Variants in UTP20 observed in about 807,000 individuals in gnomAD.
The protein encoded by UTP20 is small subunit processome component 20 homolog.
UTP20 carries 164 observed loss-of-function variants against 329.5 expected under a neutral mutation model. The ratio of observed to expected loss-of-function variants is 0.50; its 90% CI spans 0.44 to 0.57. The LOEUF (loss-of-function observed/expected upper bound fraction) is 0.57, where lower values mean the gene tolerates loss of function less well. Ranked by LOEUF, UTP20 falls within the 20% of genes least tolerant of loss-of-function variation. The pLI, the probability that UTP20 is intolerant of heterozygous loss-of-function variation, is 0.00. For synonymous variants in UTP20, 1,151 were observed against 1,159.3 expected, an observed-to-expected ratio of 0.99 and a Z score of 0.14; for missense variants, 3,055 against 3,284.2, an observed-to-expected ratio of 0.93 and a Z score of 1.71.
chr12:101,301,170 G>A (rs563463415), intron 14 of UTP20, among the ~76,000 whole-genome samples: 4 of 152,266 alleles, frequency 2.6e-5, no homozygotes, highest in Admixed American at 2.6e-4. Flanking sequence ...TGACCTCTGG[G>A]CTAGAGACAT....
At position 101,369,808 on chromosome 12, in the gene UTP20, C is replaced by T; in HGVS notation, c.6472C>T (p.His2158Tyr). ...AACAAAAGCAGAGCAGCTGACAAAA[C>T]ACCTCTTCCTTCTGCTGAAGGACTA... ...IETKAEQLTK[H>Y]LFLLLKDYAK... The change falls in exon 49 of 62, where the codon CAC (histidine) becomes TAC (tyrosine). Residue 2158 changes from histidine (H) to tyrosine (Y), a missense_variant. Coordinates refer to ENST00000261637, the MANE Select transcript of UTP20 (RefSeq NM_014503.3). 6.2e-7 allele frequency: 1 copy of T among 1,613,620 alleles called. No homozygotes were observed. Among genetic ancestry groups the T allele is most frequent in the Non-Finnish European group, 8.5e-7 (1 of 1,179,564 alleles).
Position 101,285,577 on chromosome 12 carries a change from A to G in UTP20, c.134A>G (p.Glu45Gly), listed in dbSNP as rs766639911. 7.4e-6 allele frequency: 12 copies of G among 1,613,766 alleles called. No individual in the cohort carries two copies. Among genetic ancestry groups the G allele is most frequent in the Non-Finnish European group, 1.0e-5 (12 of 1,179,806 alleles). ...CTGCTTTAATCTTGACAGGAGGTTG[A>G]AACCTACTTTTTTGAGGGTCTGCTG... ...DRTASYEEEVETYFFEGLLKW... is the reference protein window; with the variant it reads ...DRTASYEEEVGTYFFEGLLKW... Residue 45 changes from glutamate (E) to glycine (G), a missense_variant, in exon 3 of 62, where the codon GAA becomes GGA. Glu to Gly is a moderately conservative substitution (Grantham distance 98). Coordinates refer to ENST00000261637, the MANE Select transcript of UTP20 (RefSeq NM_014503.3).
intron 17 of UTP20, among the ~76,000 whole-genome samples, chr12:101,307,320 CACACAT>C (rs1177165296): frequency 2.0e-5 from 3 of 150,426 alleles, no homozygotes; most frequent in South Asian, 2.1e-4. Flanking sequence ...CACACACACA[CACACAT>C]AATTTAAACA....
intron 10 of UTP20, among the ~76,000 whole-genome samples, chr12:101,292,849 A>G (rs1352471129): frequency 1.3e-5 from 2 of 152,224 alleles, no homozygotes; most frequent in Non-Finnish European, 2.9e-5. Flanking sequence ...TGGAAGTAGG[A>G]TTGGAAATAG....
chr12:101,354,012 C>T (rs1485807754), intron 40 of UTP20, among the ~76,000 whole-genome samples: 2 of 152,026 alleles, frequency 1.3e-5, no homozygotes, highest in Admixed American at 6.6e-5. Flanking sequence ...GTAATCCCAG[C>T]ACTTTTGGGA....
intron 11 of UTP20, 88 bp downstream of exon 11, chr12:101,293,333 G>A: frequency 2.3e-6 from 3 of 1,278,960 alleles, no homozygotes; most frequent in Non-Finnish European, 3.4e-6. Flanking sequence ...ATTTCTGTTT[G>A]TTTTTTGAGA....
intron 23 of UTP20, 139 bp downstream of exon 23, chr12:101,319,774 TTAA>T: frequency 1.4e-5 from 9 of 643,962 alleles, no homozygotes; most frequent in Non-Finnish European, 2.2e-5. Context: ...CTTTTTTTTT[TTAA>T]TTAATAGACA....
chr12:101,315,797 A>G lies in UTP20; in HGVS notation c.2553-1681A>G, dbSNP rs56719731. Among the ~76,000 whole-genome samples the G allele has an allele frequency of 1.3e-4, 20 of 152,318 alleles. No individual in the cohort carries two copies. The East Asian group carries it at 3.5e-3, about 26-fold the overall frequency. ...CTGGCATTTATGGTGTTAGTAGCAT[A>G]TAAACTTCATACCATGTTAATTTTC... On this transcript the variant is annotated intron_variant, in intron 21 of 61. Coordinates refer to ENST00000261637, the MANE Select transcript of UTP20 (RefSeq NM_014503.3).
intron 8 of UTP20, 62 bp from the exon 9 acceptor site, chr12:101,291,680 T>C: frequency 6.8e-7 from 1 of 1,471,296 alleles, no homozygotes; most frequent in Non-Finnish European, 9.0e-7. Flanking sequence ...ACAGTTTTTA[T>C]TGTTGGATTA....
At chr12:101,326,590 C>T (rs546117701) in intron 25 of UTP20, among the ~76,000 whole-genome samples, 2 of 152,024 alleles carry the variant, frequency 1.3e-5, no homozygotes, top group African/African-American at 4.8e-5. Context: ...ATTTTACTTA[C>T]AATTGTATTC....
chr12:101,329,348 A>G lies in UTP20; in HGVS notation c.3316A>G (p.Lys1106Glu), dbSNP rs1398022972. 6 of 1,614,152 alleles carry G rather than the reference A, an allele frequency of 3.7e-6. No individual in the cohort carries two copies. The highest frequency in any genetic ancestry group is 4.5e-5 in the East Asian group (2 of 44,868). Residue 1106 changes from lysine (K) to glutamate (E), a missense_variant, in exon 27 of 62, where the codon AAA (lysine) becomes GAA (glutamate). Transcript: ENST00000261637. ...GILNSLEIVL[K>E]NISHLISAYL... Reference sequence around the variant, plus strand: ...CTTAAACAGCCTTGAGATAGTATTGAAAAACATTAGTCATCTGATCAGCGC... The same window carrying G: ...CTTAAACAGCCTTGAGATAGTATTGGAAAACATTAGTCATCTGATCAGCGC...
chr12:101,366,627 A>G lies in UTP20; in HGVS notation c.6195A>G (p.Pro2065=). 5.6e-6 allele frequency: 9 copies of G among 1,614,148 alleles called. No individual in the cohort carries two copies. The highest frequency in any genetic ancestry group is 7.6e-6 in the Non-Finnish European group (9 of 1,180,028). ...GCTGCCTTCTGCTTCCCCCAACTCC[A>G]GTTCGAGGTGGACAGAAAGCTGTTG... The part of the protein sequence containing the change: ...PQSCLLLPPT[P]VRGGQKAVVS... The change falls in exon 47 of 62, where the codon CCA becomes CCG. Residue 2065 remains proline (P), a synonymous_variant. Coordinates refer to ENST00000261637, the MANE Select transcript of UTP20 (RefSeq NM_014503.3).
chr12:101,373,442 T>A lies in UTP20; in HGVS notation c.6920T>A (p.Ile2307Asn). 6.2e-7 allele frequency: 1 copy of A among 1,614,230 alleles called. No individual in the cohort carries two copies. Among genetic ancestry groups the A allele is most frequent in the Non-Finnish European group, 8.5e-7 (1 of 1,180,034 alleles). Residue 2307 changes from isoleucine (I) to asparagine (N), a missense_variant, in exon 53 of 62, where the codon ATC becomes AAC. Ile to Asn is a moderately radical substitution (Grantham distance 149). Coordinates refer to ENST00000261637, the MANE Select transcript of UTP20 (RefSeq NM_014503.3). ...ETGRESTLEM[I>N]AYLFDTFPQG... ...GGGAGAGAGTCCACCTTGGAAATGATCGCCTATCTCTTTGACACGTTCCCT... is the reference window on the plus strand; with the variant it reads ...GGGAGAGAGTCCACCTTGGAAATGAACGCCTATCTCTTTGACACGTTCCCT...
intron 38 of UTP20, among the ~76,000 whole-genome samples, chr12:101,350,407 T>A (rs186655706): frequency 2.6e-5 from 4 of 152,276 alleles, no homozygotes; most frequent in Non-Finnish European, 5.9e-5. Flanking sequence ...TCCTCCCACA[T>A]TGGCCTCCCA....
At chr12:101,299,877 A>G (rs768048206) in intron 13 of UTP20, 40 bp downstream of exon 13, 10 of 1,603,894 alleles carry the variant, frequency 6.2e-6, no homozygotes, top group Admixed American at 3.4e-5. Flanking sequence ...AAGAGATAAC[A>G]TGCTGATTAA....
chr12:101,333,514 G>A, intron 28 of UTP20, 70 bp downstream of exon 28: 1 of 1,552,966 alleles, frequency 6.4e-7, no homozygotes, highest in Non-Finnish European at 8.7e-7. Flanking sequence ...CACCAACATA[G>A]CTACCACCCA....
At chr12:101,321,774 T>G in intron 25 of UTP20, 145 bp downstream of exon 25, 1 of 1,071,030 alleles carries the variant, frequency 9.3e-7, no homozygotes. Flanking sequence ...AGATGGGGTC[T>G]TGCTCTGTCA....
chr12:101,297,412 G>T (rs1047103547), intron 12 of UTP20, among the ~76,000 whole-genome samples: 1 of 151,920 alleles, frequency 6.6e-6, no homozygotes, highest in Non-Finnish European at 1.5e-5. Flanking sequence ...ACGAGGTCTC[G>T]CTATGTTGCC....
intron 45 of UTP20, 73 bp from the exon 46 acceptor site, chr12:101,365,386 G>GA: frequency 1.7e-6 from 2 of 1,155,272 alleles, no homozygotes; most frequent in Non-Finnish European, 2.4e-6. Context: ...ATATATAAAA[G>GA]AAAACTGCCA....
Sources: gnomAD v4.1 joint callset for allele counts (sites outside exome capture counted in the v4.1 genomes callset) on GRCh38, gnomAD v4.1.1 for gene constraint, MANE v1.5 for transcripts, NCBI Gene and HGNC (gene_info 2026-07-23, HGNC 2026-07-21) for gene names.